Variants in LPIN3 observed in about 807,000 individuals in gnomAD.
LPIN3 encodes the protein lipin 3, also known as phosphatidate phosphatase LPIN3.
In LPIN3, 82 loss-of-function variants were observed where a neutral mutation model predicts 94.7. The ratio of observed to expected loss-of-function variants is 0.87; its 90% CI spans 0.72 to 1.04. The LOEUF is 1.04. LPIN3 is among the 50% of genes least tolerant of loss of function. The pLI, the probability that LPIN3 is intolerant of heterozygous loss-of-function variation, is 0.00. For synonymous variants in LPIN3, 418 were observed against 443.3 expected (o/e 0.94, Z 0.72); for missense variants, 996 against 1,090.5 (o/e 0.91, Z 1.22).
chr20:41,358,281 T>G lies in LPIN3; in HGVS notation c.2237T>G (p.Leu746Arg), dbSNP rs768516518. ...CCAGAGGTGTTCAAGGTCGCCTGCCTGAGTGACATCCAGCAGCTGTTTCTG... is the reference window on the plus strand; with the variant it reads ...CCAGAGGTGTTCAAGGTCGCCTGCCGGAGTGACATCCAGCAGCTGTTTCTG... ...KKPEVFKVAC[L>R]SDIQQLFLPH... The change falls in exon 18 of 20, where the codon CTG (leucine) becomes CGG (arginine). Residue 746 changes from leucine to arginine, a missense_variant. Coordinates refer to ENST00000373257, the MANE Select transcript of LPIN3 (RefSeq NM_022896.3). 1 of 1,614,156 alleles carries G rather than the reference T, an allele frequency of 6.2e-7. No individual in the cohort carries two copies. The highest frequency in any genetic ancestry group is 1.1e-5 in the South Asian group (1 of 91,088).
intron 4 of LPIN3, 39 bp from the exon 5 acceptor site, chr20:41,349,053 T>G (rs888028957): frequency 5.0e-6 from 8 of 1,611,890 alleles, no homozygotes; most frequent in Non-Finnish European, 5.9e-6. Flanking sequence ...TGGGGCATCC[T>G]GCCTGATCAG....
At chr20:41,352,888 G>T (rs1171738539) in intron 11 of LPIN3, 21 bp downstream of exon 11, 1 of 1,613,226 alleles carries the variant, frequency 6.2e-7, no homozygotes, top group East Asian at 2.2e-5. Context: ...GAGCACCACT[G>T]CCCCTGCTGG....
intron 2 of LPIN3, 25 bp downstream of exon 2, chr20:41,346,020 G>A: frequency 6.2e-7 from 1 of 1,603,084 alleles, no homozygotes; most frequent in Non-Finnish European, 8.5e-7. Flanking sequence ...TGGCTGAGGT[G>A]GCTACTGCAG....
chr20:41,348,961 C>A, intron 4 of LPIN3, 74 bp downstream of exon 4: 3 of 1,581,656 alleles, frequency 1.9e-6, no homozygotes, highest in Non-Finnish European at 2.6e-6. Flanking sequence ...TGCTGTGTGA[C>A]TTTGGGCAAG....
intron 16 of LPIN3, 124 bp from the exon 17 acceptor site, chr20:41,357,758 C>CAAGT: frequency 1.5e-6 from 2 of 1,307,624 alleles, no homozygotes; most frequent in Non-Finnish European, 2.1e-6. Flanking sequence ...CTCTTCAAGT[C>CAAGT]CCCTCCCTGC....
chr20:41,349,906 T>C lies in LPIN3; in HGVS notation c.759+12T>C. The stretch of plus-strand genomic sequence containing the variant: ...GGAGGCTGCCTAAGGTGAGTCCCTC[T>C]GTATCAACCCCAGGCCCGGCCTTTC... On this transcript the variant is annotated intron_variant, in intron 6 of 19. Transcript: ENST00000373257. 2 of 1,608,944 alleles carry C rather than the reference T, an allele frequency of 1.2e-6. No individual in the cohort carries two copies. The highest frequency in any genetic ancestry group is 1.7e-6 in the Non-Finnish European group (2 of 1,177,572).
In LPIN3 at chr20:41,350,250, C is replaced by A. The variant is rs757470494; in HGVS notation, c.955C>A (p.Pro319Thr). The change falls in exon 7 of 20, where the codon CCC (proline) becomes ACC (threonine). Residue 319 changes from proline (P) to threonine (T), a missense_variant. By Grantham distance (38) the Pro-to-Thr change is conservative (BLOSUM62 -1). Coordinates refer to ENST00000373257, the MANE Select transcript of LPIN3 (RefSeq NM_022896.3). ...PDTEDPTLVG[P>T]PLHTPETEES... ...CACAGAGGATCCCACTCTAGTGGGT[C>A]CCCCTCTCCACACCCCAGAGACAGA... The A allele has an allele frequency of 1.2e-6, 2 of 1,613,830 alleles. No homozygotes were observed. The highest frequency in any genetic ancestry group is 1.7e-6 in the Non-Finnish European group (2 of 1,179,996).
chr20:41,349,795 A>G lies in LPIN3; in HGVS notation c.660A>G (p.Thr220=), dbSNP rs1240471035. Residue 220 remains threonine, a synonymous_variant, in exon 6 of 20, where the codon ACA becomes ACG. Transcript: ENST00000373257. ...GCAGCCTCTCAGCAGGTGAGCTAACATCCCCTAAGAGCGACTCGGAGCTGG... is the reference window on the plus strand; with the variant it reads ...GCAGCCTCTCAGCAGGTGAGCTAACGTCCCCTAAGAGCGACTCGGAGCTGG... The part of the protein sequence containing the change: ...PQASLSAGEL[T]SPKSDSELEV... 2 of 1,613,348 alleles carry G rather than the reference A, an allele frequency of 1.2e-6. No homozygotes were observed. The highest frequency in any genetic ancestry group is 1.7e-6 in the Non-Finnish European group (2 of 1,179,938).
chr20:41,358,145 G>A (rs1309436995), intron 17 of LPIN3, 92 bp from the exon 18 acceptor site: 31 of 1,581,490 alleles, frequency 2.0e-5, no homozygotes, highest in Non-Finnish European at 2.4e-5. Context: ...CAAGGAGGGT[G>A]GGGTCAGACC....
chr20:41,355,729 CCT>C (rs2046184658), intron 13 of LPIN3, among the ~76,000 whole-genome samples, 165 bp from the exon 14 acceptor site: 4 of 152,198 alleles, frequency 2.6e-5, no homozygotes. Context: ...AGCCTGCACC[CCT>C]GTGTCTGCCA....
At chr20:41,355,502 C>T (rs1863666509) in intron 13 of LPIN3, among the ~76,000 whole-genome samples, 1 of 152,206 alleles carries the variant, frequency 6.6e-6, no homozygotes, top group Non-Finnish European at 1.5e-5. Context: ...AGCCAGCTGA[C>T]TTTGTTTCTT....
At chr20:41,351,758 C>A in intron 7 of LPIN3, 63 bp from the exon 8 acceptor site, 3 of 1,451,308 alleles carry the variant, frequency 2.1e-6, no homozygotes, top group Non-Finnish European at 2.9e-6. Context: ...AGTCAGAGGG[C>A]ACTTACTGTC....
rs1371329223 is a variant in LPIN3, at chr20:41,352,869, T to C, written c.1527+2T>C. 1 of 1,613,998 alleles carries C rather than the reference T, an allele frequency of 6.2e-7. No homozygotes were observed. Among genetic ancestry groups the C allele is most frequent in the African/African-American group, 1.3e-5 (1 of 74,930 alleles). ...GCCTTCCAGAAAAACTTGCCCAAGG[T>C]AATGGTTAGAGCACCACTGCCCCTG... On this transcript the variant is annotated splice_donor_variant, in intron 11 of 19. Transcript: ENST00000373257. LOFTEE classifies it high-confidence loss of function.
At chr20:41,347,495 G>A in intron 2 of LPIN3, 57 bp from the exon 3 acceptor site, 1 of 1,552,614 alleles carries the variant, frequency 6.4e-7, no homozygotes, top group Non-Finnish European at 8.9e-7. Context: ...CAGGAGGCCT[G>A]TGGTCGGAAG....
chr20:41,345,811 A>G lies in LPIN3; in HGVS notation c.8A>G (p.Tyr3Cys), dbSNP rs772358991. 1.2e-6 allele frequency: 2 copies of G among 1,612,102 alleles called. No individual in the cohort carries two copies. The highest frequency in any genetic ancestry group is 3.3e-5 in the Admixed American group (2 of 59,934). Residue 3 changes from tyrosine to cysteine, a missense_variant, in exon 2 of 20, where the codon TAC becomes TGC. Tyr to Cys is a radical substitution (Grantham distance 194, BLOSUM62 -2). Coordinates refer to ENST00000373257, the MANE Select transcript of LPIN3 (RefSeq NM_022896.3). Reference sequence around the variant, plus strand: ...TCTTTGCCAGCACCAGCCATGAACTACGTGGGGCAGCTGGCGGAGACGGTG... The same window carrying G: ...TCTTTGCCAGCACCAGCCATGAACTGCGTGGGGCAGCTGGCGGAGACGGTG... MN[Y>C]VGQLAETVFG...
rs867421799 is a variant in LPIN3, at chr20:41,355,433, C to T, written c.1665-463C>T. The stretch of plus-strand genomic sequence containing the variant: ...CAGAGCTGACACAGGTCCTCAGGCT[C>T]CTGCCCCAGACAAGGGGATCCCTAT... On this transcript the variant is annotated intron_variant, in intron 13 of 19. Coordinates refer to ENST00000373257, the MANE Select transcript of LPIN3 (RefSeq NM_022896.3). Among the ~76,000 whole-genome samples the T allele has an allele frequency of 6.6e-5, 10 of 152,346 alleles. No homozygotes were observed. In the Middle Eastern group the frequency reaches 0.014, roughly 207 times the overall value.
chr20:41,352,302 G>T, intron 9 of LPIN3, 82 bp downstream of exon 9: 1 of 1,514,486 alleles, frequency 6.6e-7, no homozygotes, highest in East Asian at 2.3e-5. Context: ...CTGTGAGGGT[G>T]GGGCAGTAGA....
At chr20:41,341,980 A>T (rs1450821553) in intron 1 of LPIN3, among the ~76,000 whole-genome samples, 3 of 152,166 alleles carry the variant, frequency 2.0e-5, no homozygotes, top group Non-Finnish European at 4.4e-5. Flanking sequence ...CCATCTCAAA[A>T]AAATAAATAA....
chr20:41,350,165 C>G lies in LPIN3; in HGVS notation c.870C>G (p.Gly290=), dbSNP rs143269247. The change falls in exon 7 of 20, where the codon GGC becomes GGG. Residue 290 remains glycine, a synonymous_variant. Transcript: ENST00000373257. ...CTCCCTCTACCTCTGTGGCTGGCGG[C>G]GTGGACCCTTTGGGACTCCCAATCC... ...PSTPSTSVAG[G]VDPLGLPIQQ... is the part of the protein sequence containing the mutation. The G allele has an allele frequency of 6.2e-7, 1 of 1,612,820 alleles. No homozygotes were observed.
Sources: allele counts gnomAD v4.1 joint callset (sites outside exome capture counted in the v4.1 genomes callset), GRCh38; gene constraint gnomAD v4.1.1; transcripts MANE v1.5; gene names NCBI Gene and HGNC (gene_info 2026-07-23, HGNC 2026-07-21).